Variants in TRIO observed in about 807,000 individuals in gnomAD.
The protein encoded by TRIO is trio Rho guanine nucleotide exchange factor, also known as triple functional domain protein.
Under a neutral mutation model 351.9 loss-of-function variants are expected in TRIO, and 58 were observed. The ratio of observed to expected loss-of-function variants is 0.16; its 90% CI spans 0.13 to 0.21. The LOEUF (loss-of-function observed/expected upper bound fraction) is 0.21, where lower values mean the gene tolerates loss of function less well. TRIO is among the 10% of genes least tolerant of loss of function. TRIO has a pLI of 1.00. For synonymous variants in TRIO, 1,758 were observed against 1,595.7 expected (o/e 1.10, Z -2.42); for missense variants, 3,201 against 4,027.8 (o/e 0.79, Z 5.56).
chr5:14,230,318 A>G (rs1335731650), intron 1 of TRIO, among the ~76,000 whole-genome samples: 1 of 150,142 alleles, frequency 6.7e-6, no homozygotes, highest in Non-Finnish European at 1.5e-5. Context: ...ATGTCTGGAA[A>G]TTGGAAAGTC....
intron 34 of TRIO, among the ~76,000 whole-genome samples, chr5:14,421,435 T>C (rs1421254374): frequency 6.6e-6 from 1 of 151,400 alleles, no homozygotes; most frequent in Non-Finnish European, 1.5e-5. Context: ...AAACCCCGTC[T>C]CTACTAAAAA....
At chr5:14,221,825 T>C (rs1792647489) in intron 1 of TRIO, among the ~76,000 whole-genome samples, 1 of 152,190 alleles carries the variant, frequency 6.6e-6, no homozygotes, top group Admixed American at 6.5e-5. Flanking sequence ...ACAAAGGATT[T>C]CCAATGTGCC....
intron 1 of TRIO, among the ~76,000 whole-genome samples, chr5:14,215,061 C>A (rs1165574660): frequency 6.6e-6 from 1 of 152,076 alleles, no homozygotes; most frequent in Non-Finnish European, 1.5e-5. Context: ...AAAAAGGAGG[C>A]TAGACTGTCT....
intron 33 of TRIO, among the ~76,000 whole-genome samples, chr5:14,408,431 A>G (rs1027555514): frequency 1.1e-4 from 17 of 152,076 alleles, no homozygotes; most frequent in Non-Finnish European, 1.5e-5. Flanking sequence ...TTCTCATTTT[A>G]TTTTGTTCAA....
intron 49 of TRIO, among the ~76,000 whole-genome samples, chr5:14,493,118 TTTGTTTAA>T (rs1756613123): frequency 6.6e-6 from 1 of 151,832 alleles, no homozygotes; most frequent in African/African-American, 2.4e-5. Flanking sequence ...TGTTTGTTTG[TTTGTTTAA>T]GAAACCTAAG....
At chr5:14,164,515 G>T (rs1371125641) in intron 1 of TRIO, among the ~76,000 whole-genome samples, 1 of 152,210 alleles carries the variant, frequency 6.6e-6, no homozygotes, top group Non-Finnish European at 1.5e-5. Context: ...GGTAGTATTT[G>T]TTCAAGAATC....
chr5:14,417,273 A>C (rs1254760551), intron 33 of TRIO, among the ~76,000 whole-genome samples: 1 of 152,264 alleles, frequency 6.6e-6, no homozygotes, highest in Non-Finnish European at 1.5e-5. Flanking sequence ...GTGGCCTAGC[A>C]AAGCTGATTC....
At chr5:14,398,106 G>T (rs1747766806) in intron 29 of TRIO, among the ~76,000 whole-genome samples, 1 of 152,144 alleles carries the variant, frequency 6.6e-6, no homozygotes, top group African/African-American at 2.4e-5. Context: ...CTGTTCCTGG[G>T]GCTGGGGGAT....
intron 30 of TRIO, 123 bp downstream of exon 30, chr5:14,399,193 C>A: frequency 1.1e-6 from 1 of 947,896 alleles, no homozygotes; most frequent in Non-Finnish European, 1.6e-6. Flanking sequence ...ATGTTCAAGT[C>A]TGAATTGTGG....
intron 4 of TRIO, among the ~76,000 whole-genome samples, chr5:14,288,603 C>T (rs1736646416): frequency 6.6e-6 from 1 of 151,710 alleles, no homozygotes; most frequent in Non-Finnish European, 1.5e-5. Flanking sequence ...GGAGGCAGAG[C>T]TTGCAGTGAG....
intron 1 of TRIO, among the ~76,000 whole-genome samples, chr5:14,230,340 T>G (rs867904226): frequency 8.7e-5 from 13 of 149,014 alleles, no homozygotes; most frequent in African/African-American, 3.0e-4. Context: ...GGCAAGATGT[T>G]TGTGTGTGTG....
At chr5:14,201,708 A>C (rs1791120869) in intron 1 of TRIO, among the ~76,000 whole-genome samples, 1 of 152,116 alleles carries the variant, frequency 6.6e-6, no homozygotes, top group Non-Finnish European at 1.5e-5. Context: ...TCATTTGTTA[A>C]CTCTGAATAA....
At chr5:14,253,956 C>T (rs907688136) in intron 1 of TRIO, among the ~76,000 whole-genome samples, 7 of 150,974 alleles carry the variant, frequency 4.6e-5, no homozygotes, top group Non-Finnish European at 7.4e-5. Flanking sequence ...TGTGAAACAG[C>T]GCTGGCCTTC....
At chr5:14,175,470 A>G (rs557693825) in intron 1 of TRIO, among the ~76,000 whole-genome samples, 8 of 152,240 alleles carry the variant, frequency 5.3e-5, no homozygotes. Flanking sequence ...TGCGTAAATT[A>G]TACATTCTTT....
At chr5:14,311,992 T>G (rs1414153681) in intron 8 of TRIO, among the ~76,000 whole-genome samples, 1 of 152,230 alleles carries the variant, frequency 6.6e-6, no homozygotes, top group Non-Finnish European at 1.5e-5. Flanking sequence ...CTTTATTTGG[T>G]CTTTGGGCAG....
chr5:14,241,276 A>T (rs974411962), intron 1 of TRIO, among the ~76,000 whole-genome samples: 1 of 152,288 alleles, frequency 6.6e-6, no homozygotes, highest in Middle Eastern at 3.4e-3. Flanking sequence ...GTGTTCTATG[A>T]GTATCATGAA....
intron 1 of TRIO, among the ~76,000 whole-genome samples, chr5:14,220,347 G>A (rs947364576): frequency 3.3e-5 from 5 of 152,038 alleles, no homozygotes; most frequent in Admixed American, 1.3e-4. Flanking sequence ...CTGTTACCCC[G>A]CCTCTCTCCC....
At chr5:14,470,212 T>C (rs1754584581) in intron 37 of TRIO, among the ~76,000 whole-genome samples, 1 of 152,248 alleles carries the variant, frequency 6.6e-6, no homozygotes, top group Admixed American at 6.5e-5. Context: ...AGATTGCTTG[T>C]ACAGTACATG....
intron 1 of TRIO, among the ~76,000 whole-genome samples, chr5:14,144,934 C>A (rs987442689): frequency 1.4e-5 from 1 of 73,512 alleles, no homozygotes; most frequent in East Asian, 2.8e-4. Context: ...GCCTCGGGGC[C>A]GGCACCCAGA....
Sources: gnomAD v4.1 joint callset for allele counts (sites outside exome capture counted in the v4.1 genomes callset) on GRCh38, gnomAD v4.1.1 for gene constraint, MANE v1.5 for transcripts, NCBI Gene and HGNC (gene_info 2026-07-23, HGNC 2026-07-21) for gene names.